The following TNC variants were observed in gnomAD, a reference collection of about 807,000 sequenced individuals.
TNC encodes tenascin.
In TNC, 109 loss-of-function variants were observed where a neutral mutation model predicts 202.4. The ratio of observed to expected loss-of-function variants is 0.54; its 90% CI spans 0.46 to 0.63. The LOEUF (loss-of-function observed/expected upper bound fraction) is 0.63, where lower values mean the gene tolerates loss of function less well. Ranked by LOEUF, TNC falls within the 30% of genes least tolerant of loss-of-function variation. The pLI, the probability that TNC is intolerant of heterozygous loss-of-function variation, is 0.00. For missense variants in TNC, 2,756 were observed against 2,833.3 expected, an observed-to-expected ratio of 0.97 and a Z score of 0.62; for synonymous variants, 1,007 against 1,089.7, an observed-to-expected ratio of 0.92 and a Z score of 1.50.
At chr9:115,106,460 T>C (rs902944237) in intron 1 of TNC, among the ~76,000 whole-genome samples, 2 of 152,238 alleles carry the variant, frequency 1.3e-5, no homozygotes, top group Non-Finnish European at 2.9e-5. Context: ...ATAGAGTTGT[T>C]GGATTTGCAA....
intron 16 of TNC, 42 bp downstream of exon 16, chr9:115,048,218 G>C (rs1035926249): frequency 6.2e-7 from 1 of 1,602,204 alleles, no homozygotes; most frequent in Admixed American, 1.7e-5. Flanking sequence ...ACACAGAAGG[G>C]GACCAGGAAG....
chr9:115,064,571 C>T (rs1169711812), intron 11 of TNC, 76 bp downstream of exon 11: 1 of 1,497,484 alleles, frequency 6.7e-7, no homozygotes, highest in Non-Finnish European at 9.0e-7. Context: ...CATTCCAAAG[C>T]TAGTCGTGTC....
At position 115,064,722 on chromosome 9, in the gene TNC, T is replaced by C. The variant is rs541758437; in HGVS notation, c.3412A>G (p.Thr1138Ala). Residue 1138 changes from threonine (T) to alanine (A), a missense_variant, in exon 11 of 28, where the codon ACG (threonine) becomes GCG (alanine). Around this residue, in one of 2 missense-constraint regions of TNC, gnomAD observed 2,559 missense variants for 2,546.0 expected, o/e 1.01. Coordinates refer to ENST00000350763, the MANE Select transcript of TNC (RefSeq NM_002160.4). ...AVDIPGLKAA[T>A]PYTVSIYGVI... is the part of the protein sequence containing the mutation. ...CCATAGATGGAGACTGTATAAGGCG[T>C]AGCAGCCTTGAGGCCCGGTATGTCC... is the stretch of plus-strand genomic sequence containing the variant. 1.9e-6 allele frequency: 3 copies of C among 1,614,188 alleles called. No homozygotes were observed. Among genetic ancestry groups the C allele is most frequent in the Admixed American group, 1.7e-5 (1 of 60,024 alleles).
intron 1 of TNC, among the ~76,000 whole-genome samples, chr9:115,092,716 G>A (rs1835321321): frequency 6.6e-6 from 1 of 151,570 alleles, no homozygotes; most frequent in Admixed American, 6.6e-5. Flanking sequence ...TGGGATTTCA[G>A]GTGCACACTG....
In TNC at chr9:115,075,953, A is replaced by G. The variant is rs1833812993; in HGVS notation, c.2950+79T>C. The G allele has an allele frequency of 8.7e-6, 11 of 1,270,478 alleles. No individual in the cohort carries two copies. In the South Asian group the frequency reaches 1.3e-4, roughly 15 times the overall value. 78.7% of individuals were successfully genotyped at this position (1,270,478 alleles called of 1,614,324 possible). A position where few individuals can be genotyped will look rare whatever the true frequency, so the allele number is the denominator to read the frequency against. ...TCCAGGCTTCTACTTTTTCTCTTTA[A>G]ATAGGTTTTGGCCACATTGACTCTG... On this transcript the variant is annotated intron_variant, in intron 9 of 27. Transcript: ENST00000350763.
intron 2 of TNC, among the ~76,000 whole-genome samples, chr9:115,089,823 T>G (rs1386537117): frequency 6.6e-6 from 1 of 152,212 alleles, no homozygotes; most frequent in Non-Finnish European, 1.5e-5. Context: ...CTTATTGCTC[T>G]TTGTGCCATC....
chr9:115,065,389 C>A (rs1432861883), intron 10 of TNC, among the ~76,000 whole-genome samples: 1 of 152,142 alleles, frequency 6.6e-6, no homozygotes, highest in Non-Finnish European at 1.5e-5. Context: ...GAGTGAGACT[C>A]TGTCTCAAAA....
chr9:115,041,139 A>G (rs1251191095), intron 18 of TNC, 55 bp from the exon 19 acceptor site: 1 of 1,542,206 alleles, frequency 6.5e-7, no homozygotes, highest in Admixed American at 2.0e-5. Context: ...ACACTTATTC[A>G]CTGTTGCCCC....
chr9:115,038,268 G>T lies in TNC; in HGVS notation c.5505C>A (p.Gly1835=). ...ACTTGGACAAAACCTTACCTTTCTCGCCTGTGTAGGAGATGACATAACTGT... is the reference window on the plus strand; with the variant it reads ...ACTTGGACAAAACCTTACCTTTCTCTCCTGTGTAGGAGATGACATAACTGT... ...TVDSYVISYT[G]EKVPEITRTV... Residue 1835 remains glycine, a synonymous_variant, in exon 20 of 28, where the codon GGC becomes GGA. Coordinates refer to ENST00000350763, the MANE Select transcript of TNC (RefSeq NM_002160.4). 6.2e-7 allele frequency: 1 copy of T among 1,613,798 alleles called. No individual in the cohort carries two copies. The highest frequency in any genetic ancestry group is 1.1e-5 in the South Asian group (1 of 91,018).
At chr9:115,065,352 C>A (rs1031200374) in intron 10 of TNC, among the ~76,000 whole-genome samples, 1 of 151,890 alleles carries the variant, frequency 6.6e-6, no homozygotes, top group Non-Finnish European at 1.5e-5. Context: ...GCTGAGATGG[C>A]GCCATTGCAC....
chr9:115,069,279 G>T (rs1833178741), intron 10 of TNC, among the ~76,000 whole-genome samples: 1 of 152,146 alleles, frequency 6.6e-6, no homozygotes, highest in Admixed American at 6.5e-5. Context: ...AATATGCTTT[G>T]CTGGCTTTAT....
chr9:115,114,689 A>T (rs905563368), intron 1 of TNC, among the ~76,000 whole-genome samples: 55 of 152,224 alleles, frequency 3.6e-4, no homozygotes, highest in African/African-American at 1.3e-3. Flanking sequence ...AAACTTGGTC[A>T]GCACAGCCTG....
At chr9:115,111,264 C>T (rs922474347) in intron 1 of TNC, among the ~76,000 whole-genome samples, 1 of 152,062 alleles carries the variant, frequency 6.6e-6, no homozygotes, top group African/African-American at 2.4e-5. Context: ...CAATTACCTC[C>T]CCTTGAGTGT....
At chr9:115,058,704 G>A (rs1046433980) in intron 14 of TNC, among the ~76,000 whole-genome samples, 1 of 152,206 alleles carries the variant, frequency 6.6e-6, no homozygotes, top group Admixed American at 6.5e-5. Context: ...GGGATGTACA[G>A]GTATGCATTA....
At chr9:115,037,587 G>A (rs1415562047) in intron 20 of TNC, among the ~76,000 whole-genome samples, 1 of 152,074 alleles carries the variant, frequency 6.6e-6, no homozygotes, top group East Asian at 1.9e-4. Context: ...GAGTGCAGTG[G>A]TGCGATCTCG....
Position 115,020,702 on chromosome 9 carries a change from C to A in TNC, c.*455G>T. On this transcript the variant is annotated 3_prime_UTR_variant, in exon 28 of 28. Transcript: ENST00000350763. ...TTAAAATGGAAACAGTATTGCTTTT[C>A]TGGTTTCTGTTGTATGAAATGTAAA... 3.0e-6 allele frequency: 1 copy of A among 332,832 alleles called. No homozygotes were observed. The highest frequency in any genetic ancestry group is 7.9e-5 in the East Asian group (1 of 12,660). The allele number at this position is 332,832 out of a possible 1,614,324, so 20.6% of individuals were successfully genotyped here. A position where few individuals can be genotyped will look rare whatever the true frequency, so the allele number is the denominator to read the frequency against.
intron 17 of TNC, among the ~76,000 whole-genome samples, chr9:115,045,370 T>C (rs1831095158): frequency 1.3e-5 from 2 of 152,086 alleles, no homozygotes; most frequent in South Asian, 2.1e-4. Context: ...ACTACTGTTA[T>C]TATTATCATT....
rs754864036 is a variant in TNC, at chr9:115,073,750, T to C, written c.3067A>G (p.Thr1023Ala). Residue 1023 changes from threonine to alanine, a missense_variant, in exon 10 of 28, where the codon ACA (threonine) becomes GCA (alanine). Thr to Ala is a moderately conservative substitution (Grantham distance 58). This residue lies in a region of TNC where 2,559 missense variants were observed against 2,546.0 expected (regional missense o/e 1.01). Coordinates refer to ENST00000350763, the MANE Select transcript of TNC (RefSeq NM_002160.4). ...DRYRLNYSLPTGQWVGVQLPR... is the reference protein window; with the variant it reads ...DRYRLNYSLPAGQWVGVQLPR... The stretch of plus-strand genomic sequence containing the variant: ...AGCTGCACTCCCACCCACTGGCCTG[T>C]GGGGAGACTGTAATTGAGGCGGTAG... 5.0e-6 allele frequency: 8 copies of C among 1,613,974 alleles called. No homozygotes were observed. The highest frequency in any genetic ancestry group is 6.8e-6 in the Non-Finnish European group (8 of 1,180,012).
rs767180127 is a variant in TNC, at chr9:115,042,361, A to G, written c.5126-20T>C. The G allele has an allele frequency of 1.4e-5, 22 of 1,612,948 alleles. No homozygotes were observed. The highest frequency in any genetic ancestry group is 2.2e-5 in the East Asian group (1 of 44,882). On this transcript the variant is annotated intron_variant, in intron 17 of 27. Transcript: ENST00000350763. ...CCATGGCTGTCAAGAAGAAAGCACAAGAGAAGCCCAGAAACAGTTAACTGT... is the reference window on the plus strand; with the variant it reads ...CCATGGCTGTCAAGAAGAAAGCACAGGAGAAGCCCAGAAACAGTTAACTGT...
Sources: gnomAD v4.1 joint callset for allele counts (sites outside exome capture counted in the v4.1 genomes callset) on GRCh38, gnomAD v4.1.1 for gene constraint, gnomAD v4.1.1 regional missense constraint, MANE v1.5 for transcripts, NCBI Gene and HGNC (gene_info 2026-07-23, HGNC 2026-07-21) for gene names.